The following MAK variants were observed in gnomAD, a reference collection of about 807,000 sequenced individuals.
MAK encodes male germ cell associated kinase, also known as serine/threonine-protein kinase MAK.
MAK carries 65 observed loss-of-function variants against 82.6 expected under a neutral mutation model. The ratio of observed to expected loss-of-function variants is 0.79; its 90% CI spans 0.64 to 0.97. MAK has a LOEUF of 0.97. Ranked by LOEUF, MAK falls within the 50% of genes least tolerant of loss-of-function variation. The pLI is 0.00. For missense variants in MAK, 703 were observed against 780.2 expected, an observed-to-expected ratio of 0.90 and a Z score of 1.18; for synonymous variants, 250 against 274.2, an observed-to-expected ratio of 0.91 and a Z score of 0.87.
chr6:10,784,507 A>G lies in MAK; in HGVS notation c.1382T>C (p.Val461Ala), dbSNP rs146071625. 1,171 of 1,614,210 alleles carry G rather than the reference A, an allele frequency of 7.3e-4. 3 individuals carry two copies. Among genetic ancestry groups the G allele is most frequent in the Non-Finnish European group, 4.8e-4 (565 of 1,180,022 alleles). The change falls in exon 11 of 15, where the codon GTT (valine) becomes GCT (alanine). Residue 461 changes from valine (V) to alanine (A), a missense_variant. Physicochemically the swap from Val to Ala is moderately conservative, Grantham distance 64. Coordinates refer to ENST00000354489, the MANE Select transcript of MAK (RefSeq NM_001242957.3). ...STGENKSLPA[V>A]TSLKSDSELS... ...TTCGGAATCAGATTTTAGGGAAGTA[A>G]CAGCAGGTAAGCTCTTGTTTTCCCC...
At chr6:10,765,947 TTA>T (rs1772393709) in intron 14 of MAK, among the ~76,000 whole-genome samples, 1 of 152,240 alleles carries the variant, frequency 6.6e-6, no homozygotes, top group Non-Finnish European at 1.5e-5. Context: ...TCTGAACAAT[TTA>T]TGAGCTAAAA....
intron 2 of MAK, among the ~76,000 whole-genome samples, chr6:10,819,824 G>C (rs1435884633): frequency 1.3e-5 from 2 of 150,496 alleles, no homozygotes; most frequent in Non-Finnish European, 3.0e-5. Flanking sequence ...TAATAAACAG[G>C]ATTCATGGCC....
intron 10 of MAK, among the ~76,000 whole-genome samples, chr6:10,790,565 T>C (rs1052077799): frequency 4.6e-5 from 7 of 151,864 alleles, no homozygotes; most frequent in Admixed American, 1.3e-4. Context: ...GCTCAGAAAA[T>C]GATTGAAAAA....
intron 1 of MAK, among the ~76,000 whole-genome samples, chr6:10,833,609 T>TAAC (rs1452344867): frequency 5.5e-5 from 2 of 36,092 alleles, no homozygotes; most frequent in Non-Finnish European, 9.5e-5. Context: ...TGTCTCAAAA[T>TAAC]AATAATAATA....
chr6:10,778,192 T>C (rs767993448), intron 11 of MAK, among the ~76,000 whole-genome samples: 1 of 152,150 alleles, frequency 6.6e-6, no homozygotes, highest in Non-Finnish European at 1.5e-5. Context: ...GTGCGTGGCA[T>C]TGGAGAAAAA....
chr6:10,814,990 T>A (rs2127573417), intron 4 of MAK, among the ~76,000 whole-genome samples: 2 of 151,124 alleles, frequency 1.3e-5, no homozygotes, highest in South Asian at 4.2e-4. Flanking sequence ...TGAGCTGAGA[T>A]TACACCACTT....
intron 10 of MAK, chr6:10,784,775 A>G (rs531397575): frequency 2.1e-6 from 1 of 477,496 alleles, no homozygotes; most frequent in Non-Finnish European, 3.6e-6. Context: ...CTCATTTCTG[A>G]TACCAGTATG....
rs1776044396 is a variant in MAK at position 10,801,933 on chromosome 6, T to C, written c.790A>G (p.Met264Val). The change falls in exon 8 of 15, where the codon ATG (methionine) becomes GTG (valine). Residue 264 changes from methionine to valine, a missense_variant. Coordinates refer to ENST00000354489, the MANE Select transcript of MAK (RefSeq NM_001242957.3). ...SNEAIQLMTE[M>V]LNWDPKKRPT... ...CGTTTCTTTGGATCCCAATTCAACA[T>C]TTCGGTCATGAGCTGAATAGCTTCA... 4 of 1,611,306 alleles carry C rather than the reference T, an allele frequency of 2.5e-6. No homozygotes were observed. In the East Asian group the frequency reaches 9.0e-5, roughly 36 times the overall value.
rs552194856 is a variant in MAK, at chr6:10,781,063, A to G, written c.1465+3361T>C. 5.9e-5 allele frequency among the ~76,000 whole-genome samples: 9 copies of G among 152,184 alleles called. No homozygotes were observed. The East Asian group carries it at 1.7e-3, about 29-fold the overall frequency. ...ATCCCCCTTCACCTCCTGTGTTACT[A>G]GTTCCTCCTCTGTAAGGGATCTTGC... On this transcript the variant is annotated intron_variant, in intron 11 of 14. Transcript: ENST00000354489.
At chr6:10,797,822 T>C in intron 8 of MAK, 1 of 1,282,166 alleles carries the variant, frequency 7.8e-7, no homozygotes, top group Non-Finnish European at 1.0e-6. Context: ...TTCTACAACT[T>C]AACCAACCTC....
intron 10 of MAK, 52 bp from the exon 11 acceptor site, chr6:10,784,624 G>T: frequency 6.7e-7 from 1 of 1,501,144 alleles, no homozygotes. Context: ...AGAGGATCTC[G>T]CCCACCCTCT....
chr6:10,815,046 AAAAAT>A (rs1391910804), intron 4 of MAK, among the ~76,000 whole-genome samples: 2 of 151,836 alleles, frequency 1.3e-5, no homozygotes, highest in African/African-American at 2.4e-5. Context: ...CAAAAAAAAA[AAAAAT>A]AAAGAAAGAA....
chr6:10,823,191 C>A lies in MAK; in HGVS notation c.102-4251G>T, dbSNP rs571498492. Among the ~76,000 whole-genome samples, 37 of 152,314 alleles carry A rather than the reference C, an allele frequency of 2.4e-4. 1 individual carries two copies. The South Asian group carries it at 7.2e-3, about 30-fold the overall frequency. On this transcript the variant is annotated intron_variant, in intron 2 of 14. Transcript: ENST00000354489. ...GCCCTTGCTTCTTCAGGCCAACTCC[C>A]AAAAGCAGAGGGCCAGCATTCAGCT... is the stretch of plus-strand genomic sequence containing the variant.
rs901086065 is a variant in MAK at position 10,779,503 on chromosome 6, A to G, written c.1466-4044T>C. On this transcript the variant is annotated intron_variant, in intron 11 of 14. Transcript: ENST00000354489. ...TAGTATAATGTCATGCTGCCCTGCAATTATATGGTACATTTCTAGAGCTCC... is the reference window on the plus strand; with the variant it reads ...TAGTATAATGTCATGCTGCCCTGCAGTTATATGGTACATTTCTAGAGCTCC... 7 of 984,604 alleles carry G rather than the reference A, an allele frequency of 7.1e-6. No homozygotes were observed. In the African/African-American group the frequency reaches 1.0e-4, roughly 15 times the overall value. The allele number at this position is 984,604 out of a possible 1,614,324, so 61.0% of individuals were successfully genotyped here.
At chr6:10,775,589 T>C in intron 11 of MAK, 130 bp from the exon 12 acceptor site, 1 of 1,027,968 alleles carries the variant, frequency 9.7e-7, no homozygotes, top group South Asian at 1.3e-5. Context: ...TAGGTGAAAA[T>C]GTAGCAGATA....
intron 10 of MAK, among the ~76,000 whole-genome samples, chr6:10,787,703 T>A (rs1220444725): frequency 6.6e-6 from 1 of 151,194 alleles, no homozygotes; most frequent in Non-Finnish European, 1.5e-5. Flanking sequence ...CTAAAAAAAA[T>A]ACAAAAAATT....
rs147570352 is a variant in MAK at position 10,796,274 on chromosome 6, T to C, written c.867A>G (p.Val289=). Residue 289 remains valine (V), a synonymous_variant, in exon 9 of 15, where the codon GTA becomes GTG. Coordinates refer to ENST00000354489, the MANE Select transcript of MAK (RefSeq NM_001242957.3). Reference sequence around the variant, plus strand: ...CCAGATGATTTGACGAAGGGCCTAATACCTGACCAACTTGAAAATATGGGT... The same window carrying C: ...CCAGATGATTTGACGAAGGGCCTAACACCTGACCAACTTGAAAATATGGGT... ...LKHPYFQVGQ[V]LGPSSNHLES... 2.5e-5 allele frequency: 40 copies of C among 1,613,958 alleles called. No individual in the cohort carries two copies. Among genetic ancestry groups the C allele is most frequent in the Admixed American group, 1.7e-5 (1 of 59,992 alleles).
chr6:10,796,449 C>A, intron 8 of MAK, 140 bp from the exon 9 acceptor site: 1 of 665,316 alleles, frequency 1.5e-6, no homozygotes, highest in Non-Finnish European at 2.6e-6. Flanking sequence ...CCATCATTCC[C>A]TATACAGTGC....
rs1363062591 is a variant in MAK at position 10,764,293 on chromosome 6, A to G, written c.*159T>C. On this transcript the variant is annotated 3_prime_UTR_variant, in exon 15 of 15. Transcript: ENST00000354489. ...TGCTAAGAAAATGCATTTCTTGGAA[A>G]TAAGTAAAATAGGGGATGATTTTTG... 4 of 680,082 alleles carry G rather than the reference A, an allele frequency of 5.9e-6. No individual in the cohort carries two copies. The highest frequency in any genetic ancestry group is 5.5e-5 in the East Asian group (2 of 36,600). 42.1% of individuals were successfully genotyped at this position (680,082 alleles called of 1,614,324 possible). A position where few individuals can be genotyped will look rare whatever the true frequency, so the allele number is the denominator to read the frequency against.
Sources: allele counts gnomAD v4.1 joint callset (sites outside exome capture counted in the v4.1 genomes callset), GRCh38; gene constraint gnomAD v4.1.1; transcripts MANE v1.5; gene names NCBI Gene and HGNC (gene_info 2026-07-23, HGNC 2026-07-21).